MPDZ: variants seen among roughly 807,000 people sequenced by gnomAD.
MPDZ encodes multiple PDZ domain crumbs cell polarity complex component.
MPDZ carries 234 observed loss-of-function variants against 239.1 expected under a neutral mutation model. The ratio of observed to expected loss-of-function variants is 0.98; its 90% CI spans 0.88 to 1.09. The LOEUF (loss-of-function observed/expected upper bound fraction) is 1.09, where lower values mean the gene tolerates loss of function less well. Among genes scored for constraint, MPDZ ranks in the 50% least tolerant of loss-of-function variants. The pLI is 0.00. For missense variants in MPDZ, 3,175 were observed against 2,510.0 expected, an observed-to-expected ratio of 1.26 and a Z score of -5.66; for synonymous variants, 1,048 against 881.3, an observed-to-expected ratio of 1.19 and a Z score of -3.35.
intron 31 of MPDZ, 155 bp from the exon 32 acceptor site, chr9:13,134,059 T>C: frequency 3.4e-6 from 1 of 292,318 alleles, no homozygotes; most frequent in Non-Finnish European, 6.2e-6. Flanking sequence ...TTTTAATACA[T>C]TTATTTATTA....
chr9:13,271,672 G>C (rs747019175), intron 1 of MPDZ, among the ~76,000 whole-genome samples: 1 of 152,132 alleles, frequency 6.6e-6, no homozygotes, highest in Non-Finnish European at 1.5e-5. Flanking sequence ...CTCACTTATA[G>C]AACCTCAAAG....
At chr9:13,124,508 G>A (rs1025439218) in intron 35 of MPDZ, among the ~76,000 whole-genome samples, 1 of 152,052 alleles carries the variant, frequency 6.6e-6, no homozygotes, top group African/African-American at 2.4e-5. Context: ...TTTTGATGCT[G>A]CAGAGCTTGA....
At chr9:13,266,267 C>T (rs1202758970) in intron 1 of MPDZ, among the ~76,000 whole-genome samples, 8 of 152,174 alleles carry the variant, frequency 5.3e-5, no homozygotes, top group Admixed American at 5.2e-4. Context: ...AATTTCTCAT[C>T]GGAAGTCCTC....
chr9:13,109,171 G>T, intron 45 of MPDZ, 112 bp from the exon 46 acceptor site: 1 of 881,024 alleles, frequency 1.1e-6, no homozygotes, highest in Non-Finnish European at 1.5e-6. Context: ...CTTTGTTACT[G>T]ACAAGGAGTA....
rs1563964087 is a variant in MPDZ at position 13,176,317 on chromosome 9, G to A, written c.2750C>T (p.Pro917Leu). 2 of 1,609,470 alleles carry A rather than the reference G, an allele frequency of 1.2e-6. No homozygotes were observed. Among genetic ancestry groups the A allele is most frequent in the South Asian group, 1.1e-5 (1 of 90,148 alleles). The change falls in exon 20 of 47, where the codon CCT (proline) becomes CTT (leucine). Residue 917 changes from proline to leucine, a missense_variant. Transcript: ENST00000319217. ...NLLQRQDENTPSVDISMGPAS... is the reference protein window; with the variant it reads ...NLLQRQDENTLSVDISMGPAS... ...AGGCCCCATACTTATGTCCACCGAAGGTGTATTCTCATCCTGTCTTTGCAG... is the reference window on the plus strand; with the variant it reads ...AGGCCCCATACTTATGTCCACCGAAAGTGTATTCTCATCCTGTCTTTGCAG...
At chr9:13,183,979 T>C (rs1298122517) in intron 18 of MPDZ, among the ~76,000 whole-genome samples, 1 of 152,042 alleles carries the variant, frequency 6.6e-6, no homozygotes, top group Non-Finnish European at 1.5e-5. Context: ...TAAACTGTTA[T>C]TCAATGAGGC....
At chr9:13,121,714 T>A in intron 38 of MPDZ, 25 bp downstream of exon 38, 1 of 1,611,860 alleles carries the variant, frequency 6.2e-7, no homozygotes, top group Middle Eastern at 1.7e-4. Context: ...CAAGGGAGCA[T>A]TGGGTTTGTC....
Position 13,115,338 on chromosome 9 carries a change from G to A in MPDZ, c.5380-4C>T. 1.2e-6 allele frequency: 2 copies of A among 1,611,048 alleles called. No homozygotes were observed. Among genetic ancestry groups the A allele is most frequent in the Non-Finnish European group, 1.7e-6 (2 of 1,178,422 alleles). On this transcript the variant is annotated splice_region_variant and splice_polypyrimidine_tract_variant and intron_variant, in intron 39 of 46. Coordinates refer to ENST00000319217, the MANE Select transcript of MPDZ (RefSeq NM_001378778.1). ...AGGTTACTGTGCCTAGGGAACACTGGGGGTGGGCATGGGGGGTGTTTTATG... is the reference window on the plus strand; with the variant it reads ...AGGTTACTGTGCCTAGGGAACACTGAGGGTGGGCATGGGGGGTGTTTTATG...
At chr9:13,139,548 A>C (rs1434764857) in intron 28 of MPDZ, among the ~76,000 whole-genome samples, 1 of 152,176 alleles carries the variant, frequency 6.6e-6, no homozygotes, top group Non-Finnish European at 1.5e-5. Flanking sequence ...TCAATGCCTA[A>C]AGTTTTTATC....
At chr9:13,213,532 A>G (rs1053036911) in intron 10 of MPDZ, among the ~76,000 whole-genome samples, 1 of 152,064 alleles carries the variant, frequency 6.6e-6, no homozygotes, top group African/African-American at 2.4e-5. Context: ...AAATATCTCA[A>G]AAGTCCACAA....
At chr9:13,229,272 G>A (rs1325306719) in intron 3 of MPDZ, among the ~76,000 whole-genome samples, 1 of 151,972 alleles carries the variant, frequency 6.6e-6, no homozygotes. Flanking sequence ...ATGCAAAGAA[G>A]GCAGTATCCA....
At chr9:13,272,883 AG>A (rs1383549758) in intron 1 of MPDZ, among the ~76,000 whole-genome samples, 1 of 152,092 alleles carries the variant, frequency 6.6e-6, no homozygotes, top group Admixed American at 6.5e-5. Context: ...AGACCTATTA[AG>A]GGGGCTGCTA....
intron 7 of MPDZ, among the ~76,000 whole-genome samples, chr9:13,219,996 T>C (rs994252789): frequency 6.6e-6 from 1 of 152,022 alleles, no homozygotes; most frequent in Non-Finnish European, 1.5e-5. Flanking sequence ...ATAGTCCATA[T>C]GAACTTTTCA....
intron 22 of MPDZ, among the ~76,000 whole-genome samples, chr9:13,166,210 T>A (rs1379597440): frequency 6.6e-6 from 1 of 152,126 alleles, no homozygotes; most frequent in African/African-American, 2.4e-5. Context: ...ATGGTTCTAT[T>A]CAGAGTAATG....
chr9:13,172,346 G>A (rs1226638814), intron 21 of MPDZ, among the ~76,000 whole-genome samples: 4 of 151,102 alleles, frequency 2.6e-5, no homozygotes, highest in Admixed American at 6.6e-5. Flanking sequence ...GTAAACTAAT[G>A]GTGCTGTGAT....
At position 13,205,896 on chromosome 9, in the gene MPDZ, C is replaced by A; in HGVS notation, c.1474+20G>T. Reference sequence around the variant, plus strand: ...GACAATATAAAGGTCTAACTAAAAACCAGATTAACATAGGATTACCTTTGA... The same window carrying A: ...GACAATATAAAGGTCTAACTAAAAAACAGATTAACATAGGATTACCTTTGA... On this transcript the variant is annotated intron_variant, in intron 11 of 46. Coordinates refer to ENST00000319217, the MANE Select transcript of MPDZ (RefSeq NM_001378778.1). 1 of 1,536,078 alleles carries A rather than the reference C, an allele frequency of 6.5e-7. No homozygotes were observed. Among genetic ancestry groups the A allele is most frequent in the South Asian group, 1.3e-5 (1 of 76,602 alleles).
chr9:13,278,628 GCAGA>G (rs1974795728), intron 1 of MPDZ, among the ~76,000 whole-genome samples: 1 of 152,202 alleles, frequency 6.6e-6, no homozygotes, highest in Non-Finnish European at 1.5e-5. Flanking sequence ...CTGCCAAATC[GCAGA>G]CAAAGACGCC....
chr9:13,248,059 T>C (rs1271751810), intron 2 of MPDZ, among the ~76,000 whole-genome samples: 1 of 151,872 alleles, frequency 6.6e-6, no homozygotes, highest in Non-Finnish European at 1.5e-5. Flanking sequence ...AAACCCCGTT[T>C]CTACTAAAAA....
intron 1 of MPDZ, among the ~76,000 whole-genome samples, chr9:13,276,351 G>C (rs1488038827): frequency 6.6e-6 from 1 of 152,034 alleles, no homozygotes; most frequent in African/African-American, 2.4e-5. Context: ...TTTAATCACA[G>C]TATATCAATT....
Sources: gnomAD v4.1 joint callset for allele counts (sites outside exome capture counted in the v4.1 genomes callset) on GRCh38, gnomAD v4.1.1 for gene constraint, MANE v1.5 for transcripts, NCBI Gene and HGNC (gene_info 2026-07-23, HGNC 2026-07-21) for gene names.